CPVL: variants seen among roughly 807,000 people sequenced by gnomAD.
CPVL encodes the protein probable serine carboxypeptidase CPVL.
CPVL carries 51 observed loss-of-function variants against 63.7 expected under a neutral mutation model. The observed-to-expected ratio is 0.80, with a 90% CI of 0.64 to 1.01. The LOEUF (loss-of-function observed/expected upper bound fraction) is 1.01, where lower values mean the gene tolerates loss of function less well. Among genes scored for constraint, CPVL ranks in the 50% least tolerant of loss-of-function variants. CPVL has a pLI of 0.00. For synonymous variants in CPVL, 195 were observed against 206.0 expected, an observed-to-expected ratio of 0.95 and a Z score of 0.46; for missense variants, 530 against 573.1, an observed-to-expected ratio of 0.92 and a Z score of 0.77.
chr7:29,098,204 G>A (rs1786650214), intron 3 of CPVL, among the ~76,000 whole-genome samples: 1 of 152,208 alleles, frequency 6.6e-6, no homozygotes, highest in Non-Finnish European at 1.5e-5. Flanking sequence ...GAAGGCTGAG[G>A]CAGAAGGCAA....
intron 12 of CPVL, among the ~76,000 whole-genome samples, chr7:29,016,377 C>A (rs1786414259): frequency 6.6e-6 from 1 of 151,782 alleles, no homozygotes; most frequent in Non-Finnish European, 1.5e-5. Flanking sequence ...TTTCCAGGAC[C>A]AGTAACCAGC....
intron 5 of CPVL, among the ~76,000 whole-genome samples, chr7:29,152,121 C>T (rs1430354740): frequency 6.6e-6 from 1 of 152,188 alleles, no homozygotes; most frequent in Non-Finnish European, 1.5e-5. Flanking sequence ...TCTATAGCCT[C>T]TGAAGGGTTT....
At chr7:29,059,629 A>C (rs1483321820) in intron 11 of CPVL, among the ~76,000 whole-genome samples, 2 of 152,186 alleles carry the variant, frequency 1.3e-5, no homozygotes, top group Admixed American at 6.5e-5. Flanking sequence ...GTATTCAACA[A>C]AATCCAACAT....
intron 5 of CPVL, among the ~76,000 whole-genome samples, chr7:29,153,936 T>G (rs1026228332): frequency 2.0e-5 from 3 of 152,128 alleles, no homozygotes; most frequent in African/African-American, 4.8e-5. Flanking sequence ...ATATAGTATA[T>G]AATATGTATA....
rs1325674695 is a variant in CPVL at position 29,064,204 on chromosome 7, A to G, written c.994T>C (p.Phe332Leu). The change falls in exon 11 of 13, where the codon TTT becomes CTT. Residue 332 changes from phenylalanine to leucine, a missense_variant. By Grantham distance (22) the Phe-to-Leu change is conservative. Transcript: ENST00000265394. ...EPEDQLYYVK[F>L]LSLPEVRQAI... ...TGTCTCACCTCTGGGAGTGACAAAA[A>G]TTTCACATAGTAAAGCTGATCCTCA... 3 of 1,613,256 alleles carry G rather than the reference A, an allele frequency of 1.9e-6. No individual in the cohort carries two copies. Among genetic ancestry groups the G allele is most frequent in the Admixed American group, 1.7e-5 (1 of 59,964 alleles).
At chr7:29,136,631 G>C (rs928076018) in intron 1 of CPVL, among the ~76,000 whole-genome samples, 13 of 152,226 alleles carry the variant, frequency 8.5e-5, no homozygotes, top group African/African-American at 3.1e-4. Context: ...GTAAAAGTAT[G>C]AGAGGAGGTC....
At chr7:29,026,340 T>C (rs1787487862) in intron 12 of CPVL, among the ~76,000 whole-genome samples, 1 of 152,112 alleles carries the variant, frequency 6.6e-6, no homozygotes, top group Admixed American at 6.5e-5. Context: ...TGGAAGTTTA[T>C]AGTAATAAAT....
chr7:29,129,042 T>C (rs1188556609), intron 1 of CPVL, among the ~76,000 whole-genome samples: 1 of 152,194 alleles, frequency 6.6e-6, no homozygotes, highest in Non-Finnish European at 1.5e-5. Flanking sequence ...CTGGAGAGTT[T>C]AGAGCAAGGG....
At chr7:29,157,635 A>G (rs1230826457) in intron 5 of CPVL, among the ~76,000 whole-genome samples, 1 of 152,136 alleles carries the variant, frequency 6.6e-6, no homozygotes, top group African/African-American at 2.4e-5. Context: ...GTCAAATGTT[A>G]TTTCTCTCCG....
chr7:29,194,752 G>T, intron 1 of CPVL: 2 of 453,496 alleles, frequency 4.4e-6, no homozygotes, highest in Admixed American at 4.5e-5. Flanking sequence ...CAAATAAATA[G>T]CGGCGGCGGC....
At chr7:29,137,212 G>C (rs1486029982) in intron 1 of CPVL, among the ~76,000 whole-genome samples, 1 of 152,188 alleles carries the variant, frequency 6.6e-6, no homozygotes, top group Non-Finnish European at 1.5e-5. Flanking sequence ...TTTAGGAGCA[G>C]AGGTTTAGTA....
At chr7:29,158,882 T>A (rs1429326993) in intron 5 of CPVL, among the ~76,000 whole-genome samples, 1 of 152,210 alleles carries the variant, frequency 6.6e-6, no homozygotes, top group Non-Finnish European at 1.5e-5. Context: ...AAACATTCCT[T>A]TGGGGGCTTT....
At chr7:29,012,413 C>T (rs1162297316) in intron 12 of CPVL, 6 of 152,170 alleles carry the variant, frequency 3.9e-5, no homozygotes, top group Admixed American at 3.9e-4. Context: ...GAAAAGGAAA[C>T]TAATGCTTTT....
intron 7 of CPVL, among the ~76,000 whole-genome samples, chr7:29,084,072 A>T (rs1003698748): frequency 3.3e-5 from 5 of 152,182 alleles, no homozygotes; most frequent in Middle Eastern, 3.2e-3. Context: ...ATATTTGTCC[A>T]GTGCCTCAAA....
At chr7:29,114,965 G>A (rs1405010217) in intron 2 of CPVL, among the ~76,000 whole-genome samples, 1 of 152,156 alleles carries the variant, frequency 6.6e-6, no homozygotes, top group East Asian at 1.9e-4. Flanking sequence ...GTCTCAACAG[G>A]TGGTCCTTGA....
chr7:29,073,594 C>G lies in CPVL; in HGVS notation c.610-1171G>C, dbSNP rs151013586. Among the ~76,000 whole-genome samples, 1,198 of 152,290 alleles carry G rather than the reference C, an allele frequency of 7.9e-3. 13 individuals carry two copies. Among genetic ancestry groups the G allele is most frequent in the Non-Finnish European group, 0.013 (911 of 68,016 alleles). On this transcript the variant is annotated intron_variant, in intron 7 of 12. Coordinates refer to ENST00000265394, the MANE Select transcript of CPVL (RefSeq NM_031311.5). ...GCACATGTCTGCCAGGCCTTTGGAC[C>G]AGCCATTCCCTCCACCTGGAATGCT...
At chr7:29,145,448 C>CA (rs1792427026) in intron 1 of CPVL, among the ~76,000 whole-genome samples, 1 of 152,004 alleles carries the variant, frequency 6.6e-6, no homozygotes, top group Non-Finnish European at 1.5e-5. Flanking sequence ...CTCCAAAACC[C>CA]AAGCACCTTG....
intron 1 of CPVL, among the ~76,000 whole-genome samples, chr7:29,136,529 T>C (rs1791247880): frequency 6.6e-6 from 1 of 152,036 alleles, no homozygotes. Flanking sequence ...AGAAAATACC[T>C]CAAATAAAAG....
At chr7:29,080,740 G>T (rs1259426596) in intron 7 of CPVL, among the ~76,000 whole-genome samples, 5 of 151,024 alleles carry the variant, frequency 3.3e-5, no homozygotes, top group African/African-American at 4.9e-5. Context: ...TAACCCAATG[G>T]GCCATGATGA....
Sources: allele counts gnomAD v4.1 joint callset (sites outside exome capture counted in the v4.1 genomes callset), GRCh38; gene constraint gnomAD v4.1.1; transcripts MANE v1.5; gene names NCBI Gene and HGNC (gene_info 2026-07-23, HGNC 2026-07-21).